The following FAM135B variants were observed in gnomAD, a reference collection of about 807,000 sequenced individuals.
The protein encoded by FAM135B is family with sequence similarity 135 member B.
Under a neutral mutation model 127.7 loss-of-function variants are expected in FAM135B, and 43 were observed. That is an observed-to-expected ratio of 0.34 (90% CI 0.26 to 0.43). FAM135B has a LOEUF of 0.43. Among genes scored for constraint, FAM135B ranks in the 20% least tolerant of loss-of-function variants. The pLI is 1.00. For missense variants in FAM135B, 1,558 were observed against 1,725.6 expected (o/e 0.90, Z 1.72); for synonymous variants, 670 against 665.1 (o/e 1.01, Z -0.11).
chr8:138,471,347 G>T (rs1266300397), intron 1 of FAM135B, among the ~76,000 whole-genome samples: 1 of 152,190 alleles, frequency 6.6e-6, no homozygotes, highest in African/African-American at 2.4e-5. Flanking sequence ...GCAGAGTGTG[G>T]CTGGCATACA....
chr8:138,236,794 T>A (rs571937428), intron 7 of FAM135B, among the ~76,000 whole-genome samples: 1 of 152,336 alleles, frequency 6.6e-6, no homozygotes, highest in African/African-American at 2.4e-5. Flanking sequence ...GTGTAATTTT[T>A]AATTATTCCT....
At position 138,298,684 on chromosome 8, in the gene FAM135B, G is replaced by GAGT. The variant is rs1444124949; in HGVS notation, c.157+12156_157+12157insACT. Among the ~76,000 whole-genome samples, 14 of 152,282 alleles carry GAGT rather than the reference G, an allele frequency of 9.2e-5. No individual in the cohort carries two copies. In the East Asian group the frequency reaches 2.7e-3, roughly 29 times the overall value. ...TAATATAATAGTGACAAGCCAGACT[G>GAGT]TCTGAGTTAGAACCCTGACCCCACC... On this transcript the variant is annotated intron_variant, in intron 3 of 19. Transcript: ENST00000395297.
chr8:138,272,864 G>A (rs1320580623), intron 3 of FAM135B, among the ~76,000 whole-genome samples: 2 of 152,164 alleles, frequency 1.3e-5, no homozygotes, highest in African/African-American at 4.8e-5. Context: ...ACATAGATTT[G>A]AGTTAAAAGA....
intron 12 of FAM135B, among the ~76,000 whole-genome samples, chr8:138,157,182 C>A (rs533917213): frequency 7.0e-4 from 106 of 152,230 alleles, no homozygotes; most frequent in Non-Finnish European, 1.3e-3. Flanking sequence ...ACAAACAGAA[C>A]CAAGGACAAA....
At chr8:138,276,050 C>T (rs575222360) in intron 3 of FAM135B, among the ~76,000 whole-genome samples, 2 of 152,238 alleles carry the variant, frequency 1.3e-5, no homozygotes, top group South Asian at 2.1e-4. Flanking sequence ...GAGTCCACAT[C>T]GATCCAGGTT....
intron 2 of FAM135B, among the ~76,000 whole-genome samples, chr8:138,329,439 C>G (rs986312187): frequency 4.6e-5 from 7 of 152,146 alleles, no homozygotes; most frequent in African/African-American, 1.7e-4. Context: ...CAAGGGATTT[C>G]ATTATGTGTG....
chr8:138,138,915 T>A, intron 18 of FAM135B, 71 bp downstream of exon 18: 2 of 955,974 alleles, frequency 2.1e-6, no homozygotes, highest in Non-Finnish European at 3.4e-6. Context: ...TAGCATTATA[T>A]CTCATTTGTG....
At chr8:138,316,978 T>C (rs1165392450) in intron 2 of FAM135B, among the ~76,000 whole-genome samples, 2 of 136,836 alleles carry the variant, frequency 1.5e-5, no homozygotes, top group African/African-American at 3.0e-5. Flanking sequence ...AGACTCCATC[T>C]CAAAAAAAAA....
chr8:138,256,735 C>T lies in FAM135B; in HGVS notation c.322G>A (p.Asp108Asn), dbSNP rs376116724. 15 of 1,613,836 alleles carry T rather than the reference C, an allele frequency of 9.3e-6. No homozygotes were observed. The highest frequency in any genetic ancestry group is 1.3e-5 in the Non-Finnish European group (15 of 1,179,916). Reference sequence around the variant, plus strand: ...TGCAGATCCACCTTGAGTTGAAAATCTACTTCACTCAGTGCGTCTTCCATC... The same window carrying T: ...TGCAGATCCACCTTGAGTTGAAAATTTACTTCACTCAGTGCGTCTTCCATC... ...ERMEDALSEV[D>N]FQLKVDLHFT... The change falls in exon 5 of 20, where the codon GAT becomes AAT. Residue 108 changes from aspartate (D) to asparagine (N), a missense_variant. This residue lies in a region of FAM135B where 199 missense variants were observed against 245.7 expected (regional missense o/e 0.81). Transcript: ENST00000395297.
chr8:138,249,259 T>C (rs1025120379), intron 6 of FAM135B, among the ~76,000 whole-genome samples: 3 of 152,206 alleles, frequency 2.0e-5, no homozygotes, highest in Admixed American at 6.5e-5. Flanking sequence ...GATAGTACTC[T>C]CTGTTGCTTT....
Position 138,353,386 on chromosome 8 carries a change from C to G in FAM135B, c.77+14521G>C, listed in dbSNP as rs1007844589. Reference sequence around the variant, plus strand: ...GCTGATATCAGGATCCTTTTTGGTCCTTATACCCTTGATTCCTCTGCAACA... The same window carrying G: ...GCTGATATCAGGATCCTTTTTGGTCGTTATACCCTTGATTCCTCTGCAACA... On this transcript the variant is annotated intron_variant, in intron 2 of 19. Transcript: ENST00000395297. 3.9e-5 allele frequency among the ~76,000 whole-genome samples: 6 copies of G among 152,236 alleles called. No individual in the cohort carries two copies. In the East Asian group the frequency reaches 1.2e-3, roughly 29 times the overall value.
At position 138,237,712 on chromosome 8, in the gene FAM135B, C is replaced by T. The variant is rs145151275; in HGVS notation, c.669+5230G>A. On this transcript the variant is annotated intron_variant, in intron 7 of 19. Transcript: ENST00000395297. The stretch of plus-strand genomic sequence containing the variant: ...AGACCTTTCAGTAGAAAAAGACTGA[C>T]TTTCCCCAAAGAAAAAGAAATTCTG... Among the ~76,000 whole-genome samples, 336 of 152,296 alleles carry T rather than the reference C, an allele frequency of 2.2e-3. 3 individuals are homozygous for T. The highest frequency in any genetic ancestry group is 7.7e-3 in the African/African-American group (322 of 41,570).
intron 7 of FAM135B, among the ~76,000 whole-genome samples, chr8:138,207,974 A>G (rs542213031): frequency 2.0e-5 from 3 of 152,320 alleles, no homozygotes; most frequent in South Asian, 2.1e-4. Flanking sequence ...AAAAATCTGC[A>G]ATTTGTCCTA....
At chr8:138,354,588 GTC>G (rs1450598722) in intron 2 of FAM135B, among the ~76,000 whole-genome samples, 1 of 152,102 alleles carries the variant, frequency 6.6e-6, no homozygotes, top group Non-Finnish European at 1.5e-5. Flanking sequence ...ACTTCCACCT[GTC>G]TCTCTTACAC....
chr8:138,412,304 C>A (rs954743517), intron 1 of FAM135B, among the ~76,000 whole-genome samples: 3 of 152,216 alleles, frequency 2.0e-5, no homozygotes, highest in African/African-American at 7.2e-5. Flanking sequence ...ACATTAATTG[C>A]AGCTTAGTCA....
chr8:138,142,288 C>CCTT (rs1817245154), intron 16 of FAM135B, among the ~76,000 whole-genome samples: 1 of 62,366 alleles, frequency 1.6e-5, no homozygotes, highest in Non-Finnish European at 3.2e-5. Context: ...TCTGCTTCTT[C>CCTT]TTTTTTTTTT....
At chr8:138,405,034 C>T (rs569936211) in intron 1 of FAM135B, among the ~76,000 whole-genome samples, 3 of 152,178 alleles carry the variant, frequency 2.0e-5, no homozygotes, top group East Asian at 3.9e-4. Flanking sequence ...CTACCTATTG[C>T]AGCTATAGCC....
At chr8:138,441,503 TTG>T (rs1222622746) in intron 1 of FAM135B, 2 of 152,224 alleles carry the variant, frequency 1.3e-5, no homozygotes, top group Admixed American at 1.3e-4. Flanking sequence ...AGCATCACTA[TTG>T]TGTGAAGAAC....
At chr8:138,414,285 C>G (rs570461670) in intron 1 of FAM135B, among the ~76,000 whole-genome samples, 10 of 152,158 alleles carry the variant, frequency 6.6e-5, no homozygotes, top group Admixed American at 1.3e-4. Flanking sequence ...CCTCAATTTT[C>G]TCATCCATAC....
Sources: gnomAD v4.1 joint callset for allele counts (sites outside exome capture counted in the v4.1 genomes callset) on GRCh38, gnomAD v4.1.1 for gene constraint, gnomAD v4.1.1 regional missense constraint, MANE v1.5 for transcripts, NCBI Gene and HGNC (gene_info 2026-07-23, HGNC 2026-07-21) for gene names.